ICMT: variants seen among roughly 807,000 people sequenced by gnomAD.
ICMT encodes the protein isoprenylcysteine carboxyl methyltransferase.
ICMT carries 10 observed loss-of-function variants against 32.2 expected under a neutral mutation model. That is an observed-to-expected ratio of 0.31 (90% CI 0.19 to 0.53). The LOEUF is 0.53. Among genes scored for constraint, ICMT ranks in the 20% least tolerant of loss-of-function variants. The pLI, the probability that ICMT is intolerant of heterozygous loss-of-function variation, is 0.96. For missense variants in ICMT, 265 were observed against 356.9 expected, an observed-to-expected ratio of 0.74 and a Z score of 2.07; for synonymous variants, 183 against 158.2, an observed-to-expected ratio of 1.16 and a Z score of -1.18.
intron 3 of ICMT, 86 bp downstream of exon 3, chr1:6,233,388 C>A: frequency 2.4e-6 from 3 of 1,269,406 alleles, no homozygotes; most frequent in Non-Finnish European, 3.3e-6. Context: ...GGAGATTAGA[C>A]CTGAAAGGTG....
In ICMT at chr1:6,222,663, G is replaced by A. The variant is rs1668574466; in HGVS notation, c.*2417C>T. 1 of 152,226 alleles carries A rather than the reference G, an allele frequency of 6.6e-6. No homozygotes were observed. Among genetic ancestry groups the A allele is most frequent in the African/African-American group, 2.4e-5 (1 of 41,408 alleles). The allele number at this position is 152,226 out of a possible 1,614,324, so 9.4% of individuals were successfully genotyped here. On this transcript the variant is annotated 3_prime_UTR_variant, in exon 5 of 5. Coordinates refer to ENST00000343813, the MANE Select transcript of ICMT (RefSeq NM_012405.4). ...GCCTGGTGTGAAGGTGGGCTTCCTG[G>A]GCCTCTGGCAGATGGAGGATGGCAT...
chr1:6,227,583 C>T (rs1372225599), intron 4 of ICMT, among the ~76,000 whole-genome samples: 3 of 152,268 alleles, frequency 2.0e-5, no homozygotes, highest in South Asian at 4.1e-4. Flanking sequence ...CGGCCAGGCG[C>T]GATGGCTCAC....
At position 6,225,063 on chromosome 1, in the gene ICMT, A is replaced by G; in HGVS notation, c.*17T>C. The stretch of plus-strand genomic sequence containing the variant: ...GCACAGGGTCGGAGGCCCCAAGGTC[A>G]CCGGGGCCACTGCCCGTCACAGGTC... On this transcript the variant is annotated 3_prime_UTR_variant, in exon 5 of 5. Coordinates refer to ENST00000343813, the MANE Select transcript of ICMT (RefSeq NM_012405.4). 5 of 1,606,238 alleles carry G rather than the reference A, an allele frequency of 3.1e-6. No homozygotes were observed. Among genetic ancestry groups the G allele is most frequent in the Non-Finnish European group, 4.3e-6 (5 of 1,175,312 alleles).
intron 4 of ICMT, among the ~76,000 whole-genome samples, chr1:6,226,203 T>C (rs746042093): frequency 3.3e-5 from 5 of 152,096 alleles, no homozygotes; most frequent in Non-Finnish European, 7.4e-5. Context: ...TGAGACAAGC[T>C]TGGCCAACAT....
chr1:6,234,087 G>C (rs1170380486), intron 2 of ICMT, among the ~76,000 whole-genome samples: 1 of 152,172 alleles, frequency 6.6e-6, no homozygotes, highest in Non-Finnish European at 1.5e-5. Flanking sequence ...GGCTTGGCCA[G>C]GCTGGTCTTG....
chr1:6,228,638 G>C (rs1216398335), intron 4 of ICMT, among the ~76,000 whole-genome samples: 1 of 150,662 alleles, frequency 6.6e-6, no homozygotes, highest in Non-Finnish European at 1.5e-5. Context: ...CACCATGCCC[G>C]GCCAGCCAAG....
In ICMT at chr1:6,222,752, C is replaced by T. The variant is rs1231146169; in HGVS notation, c.*2328G>A. ...GCAGCTGCCAACAGCTGCCCTAGACCTATCAACAAGACAACTTCATGGCTC... is the reference window on the plus strand; with the variant it reads ...GCAGCTGCCAACAGCTGCCCTAGACTTATCAACAAGACAACTTCATGGCTC... On this transcript the variant is annotated 3_prime_UTR_variant, in exon 5 of 5. Transcript: ENST00000343813. 6.6e-6 allele frequency: 1 copy of T among 152,288 alleles called. No homozygotes were observed. The highest frequency in any genetic ancestry group is 2.4e-5 in the African/African-American group (1 of 41,458). 9.4% of individuals were successfully genotyped at this position (152,288 alleles called of 1,614,324 possible).
intron 4 of ICMT, among the ~76,000 whole-genome samples, chr1:6,227,347 G>A (rs1251891834): frequency 3.9e-5 from 6 of 152,190 alleles, no homozygotes; most frequent in African/African-American, 1.2e-4. Context: ...AACAAAAATT[G>A]TAAATGCTAT....
chr1:6,227,926 G>C (rs1364277784), intron 4 of ICMT, among the ~76,000 whole-genome samples: 1 of 151,830 alleles, frequency 6.6e-6, no homozygotes, highest in Non-Finnish European at 1.5e-5. Context: ...CCAGCATTTT[G>C]AGAGGCTGCA....
Position 6,221,671 on chromosome 1 carries a change from C to T in ICMT, c.*3409G>A, listed in dbSNP as rs974648083. On this transcript the variant is annotated 3_prime_UTR_variant, in exon 5 of 5. Transcript: ENST00000343813. ...ATTTTCCCCGGTCGTATCAATCCCCCAGGTTGGTAAATGAACAGAAGGGAT... is the reference window on the plus strand; with the variant it reads ...ATTTTCCCCGGTCGTATCAATCCCCTAGGTTGGTAAATGAACAGAAGGGAT... 6.6e-6 allele frequency: 1 copy of T among 152,626 alleles called. No homozygotes were observed. The highest frequency in any genetic ancestry group is 2.4e-5 in the African/African-American group (1 of 41,462). 9.5% of individuals were successfully genotyped at this position (152,626 alleles called of 1,614,324 possible).
chr1:6,233,598 C>A lies in ICMT; in HGVS notation c.330G>T (p.Val110=). Residue 110 remains valine, a synonymous_variant, in exon 3 of 5, where the codon GTG becomes GTT. Coordinates refer to ENST00000343813, the MANE Select transcript of ICMT (RefSeq NM_012405.4). ...GACTTTTGGGATTATTGACTGCTGT[C>A]ACCAAGTATTCAGAATAGTGGAACA... ...LSLFHYSEYL[V]TAVNNPKSLS... is the part of the protein sequence containing the mutation. 1 of 1,614,016 alleles carries A rather than the reference C, an allele frequency of 6.2e-7. No individual in the cohort carries two copies.
intron 4 of ICMT, among the ~76,000 whole-genome samples, chr1:6,230,190 C>A (rs985562722): frequency 2.0e-5 from 3 of 152,144 alleles, no homozygotes; most frequent in South Asian, 2.1e-4. Context: ...TCTCAGCTCA[C>A]TGCAACCTCC....
At position 6,224,053 on chromosome 1, in the gene ICMT, T is replaced by G. The variant is rs1668603049; in HGVS notation, c.*1027A>C. ...CAATCTGCTTGGATTTGTAGTTGTA[T>G]ATGCTCAAATCCCTTTGGAAAACAG... On this transcript the variant is annotated 3_prime_UTR_variant, in exon 5 of 5. Transcript: ENST00000343813. The G allele has an allele frequency of 2.0e-5, 3 of 152,224 alleles. No homozygotes were observed. The highest frequency in any genetic ancestry group is 7.2e-5 in the African/African-American group (3 of 41,464). The allele number at this position is 152,224 out of a possible 1,614,324, so 9.4% of individuals were successfully genotyped here. A position where few individuals can be genotyped will look rare whatever the true frequency, so the allele number is the denominator to read the frequency against.
At chr1:6,228,140 A>G (rs1185797350) in intron 4 of ICMT, among the ~76,000 whole-genome samples, 1 of 152,166 alleles carries the variant, frequency 6.6e-6, no homozygotes, top group African/African-American at 2.4e-5. Flanking sequence ...TCTTTAATAC[A>G]CAAATAAATA....
rs115863425 is a variant in ICMT, at chr1:6,225,358, G to A, written c.673-96C>T. Reference sequence around the variant, plus strand: ...TCTCTAATACCCAGAGGATTTCTGTGCCCATGCCCTGCTGAGACCGTCAGG... The same window carrying A: ...TCTCTAATACCCAGAGGATTTCTGTACCCATGCCCTGCTGAGACCGTCAGG... On this transcript the variant is annotated intron_variant, in intron 4 of 4. Transcript: ENST00000343813. The A allele has an allele frequency of 9.0e-4, 1,095 of 1,220,076 alleles. 9 individuals carry two copies. The African/African-American group carries it at 0.014, about 15-fold the overall frequency. 75.6% of individuals were successfully genotyped at this position (1,220,076 alleles called of 1,614,324 possible). A position where few individuals can be genotyped will look rare whatever the true frequency, so the allele number is the denominator to read the frequency against.
intron 4 of ICMT, among the ~76,000 whole-genome samples, chr1:6,230,584 T>C (rs992363101): frequency 8.1e-6 from 1 of 123,304 alleles, no homozygotes; most frequent in Non-Finnish European, 1.7e-5. Flanking sequence ...AGATCCTGTC[T>C]TTAAAAAAAA....
rs781641232 is a variant in ICMT at position 6,225,031 on chromosome 1, C to G, written c.*49G>C. Reference sequence around the variant, plus strand: ...GCGGCCAACCGGAAACAGTTTTGTCCCAGGCTGCACAGGGTCGGAGGCCCC... The same window carrying G: ...GCGGCCAACCGGAAACAGTTTTGTCGCAGGCTGCACAGGGTCGGAGGCCCC... On this transcript the variant is annotated 3_prime_UTR_variant, in exon 5 of 5. Coordinates refer to ENST00000343813, the MANE Select transcript of ICMT (RefSeq NM_012405.4). 1 of 1,512,266 alleles carries G rather than the reference C, an allele frequency of 6.6e-7. No homozygotes were observed. Among genetic ancestry groups the G allele is most frequent in the African/African-American group, 1.4e-5 (1 of 71,768 alleles). The allele number at this position is 1,512,266 out of a possible 1,614,324, so 93.7% of individuals were successfully genotyped here.
intron 2 of ICMT, 86 bp from the exon 3 acceptor site, chr1:6,233,729 TAA>T: frequency 9.0e-7 from 1 of 1,116,686 alleles, no homozygotes; most frequent in Non-Finnish European, 1.3e-6. Context: ...GAGCTGTCCC[TAA>T]GTCTATGAGG....
In ICMT at chr1:6,222,620, GC is replaced by G. The variant is rs1255139009; in HGVS notation, c.*2459del. ...TGAAACCCTAAGACCTGCCTCCTGGGCTCCTTCCAGCTGGTGGGCCTGGTGT... is the reference window on the plus strand; with the variant it reads ...TGAAACCCTAAGACCTGCCTCCTGGGTCCTTCCAGCTGGTGGGCCTGGTGT... On this transcript the variant is annotated 3_prime_UTR_variant, in exon 5 of 5. Coordinates refer to ENST00000343813, the MANE Select transcript of ICMT (RefSeq NM_012405.4). 1 of 152,250 alleles carries G rather than the reference GC, an allele frequency of 6.6e-6. No homozygotes were observed. Among genetic ancestry groups the G allele is most frequent in the Non-Finnish European group, 1.5e-5 (1 of 68,106 alleles). 9.4% of individuals were successfully genotyped at this position (152,250 alleles called of 1,614,324 possible).
Sources: allele counts gnomAD v4.1 joint callset (sites outside exome capture counted in the v4.1 genomes callset), GRCh38; gene constraint gnomAD v4.1.1; transcripts MANE v1.5; gene names NCBI Gene and HGNC (gene_info 2026-07-23, HGNC 2026-07-21).